Variants in LRRTM4 observed in about 807,000 individuals in gnomAD.
LRRTM4 encodes the protein leucine-rich repeat transmembrane neuronal protein 4.
LRRTM4 carries 25 observed loss-of-function variants against 47.6 expected under a neutral mutation model. The ratio of observed to expected loss-of-function variants is 0.53; its 90% CI spans 0.38 to 0.73. The LOEUF is 0.73. Ranked by LOEUF, LRRTM4 falls within the 30% of genes least tolerant of loss-of-function variation. LRRTM4 has a pLI of 0.00. For synonymous variants in LRRTM4, 311 were observed against 269.5 expected, an observed-to-expected ratio of 1.15 and a Z score of -1.51; for missense variants, 638 against 713.4, an observed-to-expected ratio of 0.89 and a Z score of 1.20.
At chr2:77,156,734 G>C (rs1220787385) in intron 3 of LRRTM4, among the ~76,000 whole-genome samples, 1 of 149,088 alleles carries the variant, frequency 6.7e-6, no homozygotes, top group African/African-American at 2.5e-5. Context: ...TTGAGACAAG[G>C]TCTTACCCTG....
Position 77,518,523 on chromosome 2 carries a change from C to T in LRRTM4, c.1346G>A (p.Arg449His). 6.2e-7 allele frequency: 1 copy of T among 1,613,272 alleles called. No homozygotes were observed. The highest frequency in any genetic ancestry group is 2.2e-5 in the East Asian group (1 of 44,828). Reference protein sequence around the residue: ...ILLVIYVSWKRYPASMKQLQQ... With the variant: ...ILLVIYVSWKHYPASMKQLQQ... ...GAGTTGTTTCATGCTGGCTGGGTAG[C>T]GTTTCCAAGACACATAGATCACCAA... Residue 449 changes from arginine to histidine, a missense_variant, in exon 3 of 4, where the codon CGC becomes CAC. Transcript: ENST00000409884.
intron 3 of LRRTM4, among the ~76,000 whole-genome samples, chr2:77,039,800 T>C (rs150391069): frequency 0.011 from 1,652 of 151,226 alleles, 27 homozygotes; most frequent in African/African-American, 0.038. Context: ...AAACCAAAAA[T>C]GATTAACAAA....
chr2:77,516,698 AAGGGCAATTGCTTATACAGTTTCCTTTT>A, intron 3 of LRRTM4: 1 of 971,382 alleles, frequency 1.0e-6, no homozygotes, highest in Non-Finnish European at 1.2e-6. Context: ...TTTAATTTTT[AAGGGCAATTGCTTATACAGTTTCCTTTT>A]AGGAATTTAT....
intron 3 of LRRTM4, among the ~76,000 whole-genome samples, chr2:77,417,748 C>T (rs1674698081): frequency 6.8e-6 from 1 of 147,462 alleles, no homozygotes; most frequent in Admixed American, 6.8e-5. Context: ...GAACATCACA[C>T]ACTGGGGCCT....
At chr2:76,799,571 T>C (rs967953998) in intron 3 of LRRTM4, among the ~76,000 whole-genome samples, 5 of 142,218 alleles carry the variant, frequency 3.5e-5, no homozygotes, top group Admixed American at 3.5e-4. Context: ...TCACCACTCC[T>C]ATTCAACATA....
At chr2:77,386,965 A>AC (rs1322832116) in intron 3 of LRRTM4, among the ~76,000 whole-genome samples, 3 of 152,162 alleles carry the variant, frequency 2.0e-5, no homozygotes, top group Non-Finnish European at 4.4e-5. Flanking sequence ...GTTGGTTATT[A>AC]CATTCACTCA....
chr2:77,067,540 A>G (rs889661887), intron 3 of LRRTM4, among the ~76,000 whole-genome samples: 2 of 152,116 alleles, frequency 1.3e-5, no homozygotes, highest in Non-Finnish European at 2.9e-5. Context: ...CTTTTTAAGT[A>G]TCAGATGGAA....
At chr2:77,328,141 T>A (rs937260018) in intron 3 of LRRTM4, among the ~76,000 whole-genome samples, 1 of 152,222 alleles carries the variant, frequency 6.6e-6, no homozygotes, top group Non-Finnish European at 1.5e-5. Context: ...ATAAAAGTTA[T>A]AATTTCAGCA....
At chr2:76,914,937 A>C (rs1573307209) in intron 3 of LRRTM4, among the ~76,000 whole-genome samples, 1 of 152,238 alleles carries the variant, frequency 6.6e-6, no homozygotes, top group East Asian at 1.9e-4. Context: ...TATGCATTTT[A>C]AATTAAAATT....
intron 3 of LRRTM4, among the ~76,000 whole-genome samples, chr2:77,483,527 G>A (rs1323945550): frequency 6.6e-6 from 1 of 152,136 alleles, no homozygotes; most frequent in African/African-American, 2.4e-5. Context: ...TTTTAGTAGA[G>A]ACGGAGTTTC....
chr2:77,510,818 A>G lies in LRRTM4; in HGVS notation c.1551+7500T>C, dbSNP rs779177274. 8.5e-4 allele frequency among the ~76,000 whole-genome samples: 130 copies of G among 152,076 alleles called. 2 individuals are homozygous for G. The highest frequency in any genetic ancestry group is 3.5e-4 in the Non-Finnish European group (24 of 67,940). ...ATGATATTTGAAGATCTGAACCATT[A>G]AAATGTAGGTAAAAGTAAAAATTAT... On this transcript the variant is annotated intron_variant, in intron 3 of 3. Transcript: ENST00000409884.
At chr2:76,770,092 G>C (rs1014656788) in intron 3 of LRRTM4, among the ~76,000 whole-genome samples, 1 of 152,148 alleles carries the variant, frequency 6.6e-6, no homozygotes, top group African/African-American at 2.4e-5. Flanking sequence ...TAGTCAATCA[G>C]TCTGAAAGTC....
At chr2:77,364,159 C>A (rs1388209012) in intron 3 of LRRTM4, among the ~76,000 whole-genome samples, 1 of 151,770 alleles carries the variant, frequency 6.6e-6, no homozygotes, top group African/African-American at 2.4e-5. Flanking sequence ...TCTTGTTTAT[C>A]CCTCTGTGTT....
chr2:76,831,510 T>C (rs1671352034), intron 3 of LRRTM4, among the ~76,000 whole-genome samples: 1 of 152,050 alleles, frequency 6.6e-6, no homozygotes, highest in South Asian at 2.1e-4. Context: ...GGGTTGATTC[T>C]CCGTTTAATT....
chr2:77,312,622 C>A (rs1677488218), intron 3 of LRRTM4, among the ~76,000 whole-genome samples: 1 of 152,182 alleles, frequency 6.6e-6, no homozygotes, highest in East Asian at 1.9e-4. Context: ...TCTTAAAGCA[C>A]ACCACACGCG....
intron 3 of LRRTM4, among the ~76,000 whole-genome samples, chr2:77,458,707 T>C (rs951706375): frequency 4.0e-5 from 6 of 151,728 alleles, no homozygotes; most frequent in African/African-American, 7.3e-5. Flanking sequence ...TGGCTGGCTG[T>C]CATTTCATCA....
intron 3 of LRRTM4, among the ~76,000 whole-genome samples, chr2:76,784,569 A>G (rs756601065): frequency 2.6e-5 from 4 of 152,072 alleles, no homozygotes; most frequent in African/African-American, 4.8e-5. Context: ...AATAAATGCA[A>G]TATTTTCAAA....
chr2:76,872,567 C>G (rs909268139), intron 3 of LRRTM4, among the ~76,000 whole-genome samples: 2 of 151,838 alleles, frequency 1.3e-5, no homozygotes, highest in African/African-American at 4.8e-5. Context: ...TTACATAGCA[C>G]TTACTATACA....
intron 3 of LRRTM4, among the ~76,000 whole-genome samples, chr2:76,919,612 C>T (rs1038506418): frequency 1.3e-5 from 2 of 152,092 alleles, no homozygotes; most frequent in African/African-American, 4.8e-5. Flanking sequence ...AAAGCCGATA[C>T]GAGCCCTGAC....
Sources: allele counts gnomAD v4.1 joint callset (sites outside exome capture counted in the v4.1 genomes callset), GRCh38; gene constraint gnomAD v4.1.1; transcripts MANE v1.5; gene names NCBI Gene and HGNC (gene_info 2026-07-23, HGNC 2026-07-21).